ALPK2: variants seen among roughly 807,000 people sequenced by gnomAD.
The protein encoded by ALPK2 is alpha kinase 2, also known as alpha-protein kinase 2.
In ALPK2, 127 loss-of-function variants were observed where a neutral mutation model predicts 163.1. That is an observed-to-expected ratio of 0.78 (90% CI 0.67 to 0.90). ALPK2 has a LOEUF of 0.90. ALPK2 is among the 40% of genes least tolerant of loss of function. The probability of loss-of-function intolerance (pLI) is 0.00; values close to 1 mark genes in which losing one functional copy is unlikely to be tolerated. For missense variants in ALPK2, 2,360 were observed against 2,589.6 expected, an observed-to-expected ratio of 0.91 and a Z score of 1.92; for synonymous variants, 953 against 959.1, an observed-to-expected ratio of 0.99 and a Z score of 0.12.
At chr18:58,483,480 C>G (rs2051321952) in intron 12 of ALPK2, among the ~76,000 whole-genome samples, 1 of 152,108 alleles carries the variant, frequency 6.6e-6, no homozygotes, top group Admixed American at 6.6e-5. Flanking sequence ...TGCAGTATTC[C>G]CCCTGCATGG....
chr18:58,535,854 C>A lies in ALPK2; in HGVS notation c.4333G>T (p.Ala1445Ser). ...TGCAAAATGGCCGGCTGGATTTCCGCTTCGTGGCCCATGTTTCCGTCATTT... is the reference window on the plus strand; with the variant it reads ...TGCAAAATGGCCGGCTGGATTTCCGATTCGTGGCCCATGTTTCCGTCATTT... ...QSNDGNMGHEAEIQPAILQVP... is the reference protein window; with the variant it reads ...QSNDGNMGHESEIQPAILQVP... Residue 1445 changes from alanine to serine, a missense_variant, in exon 5 of 13, where the codon GCG (alanine) becomes TCG (serine). Physicochemically the swap from Ala to Ser is moderately conservative, Grantham distance 99. Transcript: ENST00000361673. The A allele has an allele frequency of 6.2e-7, 1 of 1,614,218 alleles. No homozygotes were observed. Among genetic ancestry groups the A allele is most frequent in the Non-Finnish European group, 8.5e-7 (1 of 1,180,018 alleles).
At chr18:58,548,115 G>A (rs2051728512) in intron 4 of ALPK2, among the ~76,000 whole-genome samples, 1 of 152,044 alleles carries the variant, frequency 6.6e-6, no homozygotes, top group African/African-American at 2.4e-5. Flanking sequence ...CTTCAGTGTG[G>A]GCTTCAAAGT....
Position 58,579,678 on chromosome 18 carries a change from G to T in ALPK2, c.1098C>A (p.Phe366Leu). The change falls in exon 4 of 13, where the codon TTC becomes TTA. Residue 366 changes from phenylalanine to leucine, a missense_variant. Transcript: ENST00000361673. The stretch of plus-strand genomic sequence containing the variant: ...CACACCCACCCAGGCAATGCTCACC[G>T]AATTCCATCTCTTCGTCATCGCTTT... Reference protein sequence around the residue: ...LLESDDEEMEFGEHCLGGCEH... With the variant: ...LLESDDEEMELGEHCLGGCEH... 6.2e-7 allele frequency: 1 copy of T among 1,613,918 alleles called. No homozygotes were observed. Among genetic ancestry groups the T allele is most frequent in the Non-Finnish European group, 8.5e-7 (1 of 1,179,978 alleles).
At chr18:58,597,029 T>G (rs1346590963) in intron 3 of ALPK2, among the ~76,000 whole-genome samples, 1 of 152,126 alleles carries the variant, frequency 6.6e-6, no homozygotes, top group East Asian at 1.9e-4. Flanking sequence ...GGCTCATGCC[T>G]GTAATCCCAG....
chr18:58,604,592 T>C (rs1255700545), intron 3 of ALPK2, among the ~76,000 whole-genome samples: 2 of 152,214 alleles, frequency 1.3e-5, no homozygotes, highest in Non-Finnish European at 2.9e-5. Flanking sequence ...CCCACGATCA[T>C]TAGTGCCCAG....
At chr18:58,623,343 A>T (rs1399041341) in intron 1 of ALPK2, among the ~76,000 whole-genome samples, 1 of 151,980 alleles carries the variant, frequency 6.6e-6, no homozygotes, top group East Asian at 1.9e-4. Flanking sequence ...CCCAATACAG[A>T]AGATTTTTAA....
At chr18:58,614,678 C>T (rs2052155132) in intron 1 of ALPK2, among the ~76,000 whole-genome samples, 1 of 106,152 alleles carries the variant, frequency 9.4e-6, no homozygotes, top group African/African-American at 2.8e-5. Flanking sequence ...CCCACCTCAG[C>T]CTCCTGAGTA....
At position 58,538,256 on chromosome 18, in the gene ALPK2, T is replaced by C. The variant is rs550925371; in HGVS notation, c.1963-32A>G. 7.7e-5 allele frequency: 122 copies of C among 1,576,394 alleles called. 4 individuals are homozygous for C. The highest frequency in any genetic ancestry group is 7.6e-4 in the East Asian group (34 of 44,716). Reference sequence around the variant, plus strand: ...AGATGAAAAGTGATATTAGTAGAATTGTTCATGGGAGAGCCCACAATAGGG... The same window carrying C: ...AGATGAAAAGTGATATTAGTAGAATCGTTCATGGGAGAGCCCACAATAGGG... On this transcript the variant is annotated intron_variant, in intron 4 of 12. Coordinates refer to ENST00000361673, the MANE Select transcript of ALPK2 (RefSeq NM_052947.4).
intron 4 of ALPK2, chr18:58,578,072 A>G (rs1258875641): frequency 6.6e-6 from 1 of 152,252 alleles, no homozygotes; most frequent in Non-Finnish European, 1.5e-5. Flanking sequence ...CAAGCACAAC[A>G]TCTTTTGTGC....
At chr18:58,606,036 T>C (rs2144226306) in intron 3 of ALPK2, among the ~76,000 whole-genome samples, 1 of 152,358 alleles carries the variant, frequency 6.6e-6, no homozygotes, top group African/African-American at 2.4e-5. Context: ...CAGATAAGCA[T>C]TTCAACCTTG....
rs1236849847 is a variant in ALPK2 at position 58,537,950 on chromosome 18, G to A, written c.2237C>T (p.Ala746Val). 1.2e-6 allele frequency: 2 copies of A among 1,614,174 alleles called. No individual in the cohort carries two copies. The highest frequency in any genetic ancestry group is 8.5e-7 in the Non-Finnish European group (1 of 1,180,040). ...DLKYEQSISE[A>V]NDETMSPGVF... ...ACCTGGGGACATAGTCTCATCATTG[G>A]CTTCTGAGATGCTCTGCTCATATTT... is the stretch of plus-strand genomic sequence containing the variant. The change falls in exon 5 of 13, where the codon GCC becomes GTC. Residue 746 changes from alanine to valine, a missense_variant. By Grantham distance (64) the Ala-to-Val change is moderately conservative (BLOSUM62 0). Transcript: ENST00000361673.
chr18:58,550,557 TATATGACTCTACCCTCATCTATATCAG>T (rs2051751587), intron 4 of ALPK2, among the ~76,000 whole-genome samples: 12 of 9,310 alleles, frequency 1.3e-3, no homozygotes, highest in South Asian at 3.3e-3. Context: ...ATCTCTATCA[TATATGACTCTACCCTCATCTATATCAG>T]ATACAACCCA....
At chr18:58,625,672 G>T (rs987964360) in intron 1 of ALPK2, among the ~76,000 whole-genome samples, 4 of 152,242 alleles carry the variant, frequency 2.6e-5, no homozygotes, top group Non-Finnish European at 5.9e-5. Context: ...GTGTTTAAGA[G>T]CAGGGGCCTG....
intron 4 of ALPK2, among the ~76,000 whole-genome samples, chr18:58,575,259 A>G (rs1051697847): frequency 6.6e-6 from 1 of 152,032 alleles, no homozygotes; most frequent in East Asian, 1.9e-4. Context: ...TATACTTGGC[A>G]TTTACTCTAG....
At chr18:58,603,108 G>A (rs1021916975) in intron 3 of ALPK2, among the ~76,000 whole-genome samples, 26 of 152,100 alleles carry the variant, frequency 1.7e-4, no homozygotes, top group Non-Finnish European at 3.4e-4. Flanking sequence ...AGCCTATACC[G>A]CTGCTCTGCC....
At chr18:58,516,257 G>A (rs72933243) in intron 9 of ALPK2, among the ~76,000 whole-genome samples, 25,361 of 151,460 alleles carry the variant, frequency 0.17, 2,220 homozygotes, top group Non-Finnish European at 0.19. Flanking sequence ...TGAAATATAT[G>A]GACCAAATAT....
chr18:58,579,162 C>A lies in ALPK2; in HGVS notation c.1614G>T (p.Arg538Ser). 6.2e-7 allele frequency: 1 copy of A among 1,614,192 alleles called. No individual in the cohort carries two copies. Among genetic ancestry groups the A allele is most frequent in the Non-Finnish European group, 8.5e-7 (1 of 1,180,044 alleles). ...KRGSRKSARV[R>S]QPGMKGNPKK... ...TGGGATTTCCCTTCATTCCCGGCTG[C>A]CTCACCCTGGCAGATTTCCTTGAAC... Residue 538 changes from arginine to serine, a missense_variant, in exon 4 of 13, where the codon AGG becomes AGT. Transcript: ENST00000361673.
chr18:58,496,510 G>A (rs891270653), intron 12 of ALPK2, among the ~76,000 whole-genome samples: 1 of 152,194 alleles, frequency 6.6e-6, no homozygotes, highest in Non-Finnish European at 1.5e-5. Context: ...TCATGAATCA[G>A]ACTTACTGAC....
intron 4 of ALPK2, among the ~76,000 whole-genome samples, chr18:58,575,945 C>T (rs1293402473): frequency 6.6e-6 from 1 of 152,080 alleles, no homozygotes; most frequent in Non-Finnish European, 1.5e-5. Flanking sequence ...GTTCTTAGAA[C>T]ATTAGAGAGA....
Sources: gnomAD v4.1 joint callset for allele counts (sites outside exome capture counted in the v4.1 genomes callset) on GRCh38, gnomAD v4.1.1 for gene constraint, MANE v1.5 for transcripts, NCBI Gene and HGNC (gene_info 2026-07-23, HGNC 2026-07-21) for gene names.